Variants in ATF7 observed in about 807,000 individuals in gnomAD.
ATF7 encodes the protein activating transcription factor 7.
A neutral mutation model predicts 50.4 loss-of-function variants in ATF7; 10 were observed. The ratio of observed to expected loss-of-function variants is 0.20; its 90% confidence interval spans 0.12 to 0.34. ATF7 has a LOEUF of 0.34. ATF7 is among the 10% of genes least tolerant of loss of function. ATF7 has a pLI of 1.00. For missense variants in ATF7, 465 were observed against 613.9 expected (o/e 0.76, Z 2.56); for synonymous variants, 201 against 226.4 (o/e 0.89, Z 1.01).
At chr12:53,625,074 C>T (rs932902763) in intron 1 of ATF7, among the ~76,000 whole-genome samples, 2 of 152,256 alleles carry the variant, frequency 1.3e-5, no homozygotes, top group South Asian at 4.1e-4. Flanking sequence ...TACTAAAACA[C>T]CCTCTGTTAA....
At chr12:53,594,887 CAA>C (rs561674660) in intron 2 of ATF7, among the ~76,000 whole-genome samples, 7 of 97,792 alleles carry the variant, frequency 7.2e-5, no homozygotes, top group Non-Finnish European at 4.4e-5. Context: ...GACCCCATCT[CAA>C]AAAAAAAAAA....
intron 1 of ATF7, among the ~76,000 whole-genome samples, chr12:53,613,326 A>C (rs1240983568): frequency 6.6e-6 from 1 of 152,258 alleles, no homozygotes; most frequent in Admixed American, 6.5e-5. Context: ...GGTTAGCCAG[A>C]CATTAAAGAG....
chr12:53,569,484 C>A (rs1358179842), intron 2 of ATF7, among the ~76,000 whole-genome samples: 1 of 152,214 alleles, frequency 6.6e-6, no homozygotes, highest in African/African-American at 2.4e-5. Flanking sequence ...CTCCAGGAAG[C>A]CTTCTCTGAT....
intron 2 of ATF7, among the ~76,000 whole-genome samples, chr12:53,559,459 A>C (rs1330352998): frequency 6.6e-6 from 1 of 151,878 alleles, no homozygotes; most frequent in Non-Finnish European, 1.5e-5. Flanking sequence ...TGGGCAGATC[A>C]CTTGAGGTCA....
At chr12:53,623,382 G>A (rs928674515) in intron 1 of ATF7, among the ~76,000 whole-genome samples, 16 of 152,268 alleles carry the variant, frequency 1.1e-4, no homozygotes, top group African/African-American at 1.7e-4. Context: ...TTTTTAAAGA[G>A]ACAGAAGACT....
intron 1 of ATF7, among the ~76,000 whole-genome samples, chr12:53,619,714 A>G (rs1944299136): frequency 6.6e-6 from 1 of 151,092 alleles, no homozygotes; most frequent in African/African-American, 2.4e-5. Flanking sequence ...CAGGAGGCGG[A>G]GGCAGGATAA....
In ATF7 at chr12:53,514,234, G is replaced by A. The variant is rs1944220636; in HGVS notation, c.*2903C>T. On this transcript the variant is annotated 3_prime_UTR_variant, in exon 12 of 12. Coordinates refer to ENST00000420353, the MANE Select transcript of ATF7 (RefSeq NM_006856.3). The stretch of plus-strand genomic sequence containing the variant: ...TGGGTACGTGGCAGCTAGCTAGAGT[G>A]CTTGTGTATCGAGCACTCACATTGG... 1 of 152,174 alleles carries A rather than the reference G, an allele frequency of 6.6e-6. No individual in the cohort carries two copies. The highest frequency in any genetic ancestry group is 6.5e-5 in the Admixed American group (1 of 15,274). The allele number at this position is 152,174 out of a possible 1,614,324, so 9.4% of individuals were successfully genotyped here. A position where few individuals can be genotyped will look rare whatever the true frequency, so the allele number is the denominator to read the frequency against.
At chr12:53,584,525 C>T (rs1011949156) in intron 2 of ATF7, among the ~76,000 whole-genome samples, 7 of 152,190 alleles carry the variant, frequency 4.6e-5, no homozygotes, top group African/African-American at 1.4e-4. Flanking sequence ...AGTGATCACA[C>T]TCATTGATAT....
intron 1 of ATF7, among the ~76,000 whole-genome samples, chr12:53,608,465 C>A (rs1472813678): frequency 6.6e-6 from 1 of 152,080 alleles, no homozygotes; most frequent in Non-Finnish European, 1.5e-5. Flanking sequence ...GTAAAACAGG[C>A]AATTCAAAAT....
At chr12:53,594,422 AGGATGCTTTTAAT>A (rs1219287314) in intron 2 of ATF7, among the ~76,000 whole-genome samples, 2 of 152,208 alleles carry the variant, frequency 1.3e-5, no homozygotes, top group Non-Finnish European at 2.9e-5. Context: ...GACTGGAGCA[AGGATGCTTTTAAT>A]CTACTGTGCT....
chr12:53,600,901 G>C, intron 2 of ATF7, 52 bp downstream of exon 2: 1 of 1,573,540 alleles, frequency 6.4e-7, no homozygotes, highest in Non-Finnish European at 8.7e-7. Context: ...TGATAAAACA[G>C]CCACTTTGAT....
At chr12:53,611,494 G>A (rs1294020077) in intron 1 of ATF7, among the ~76,000 whole-genome samples, 1 of 152,128 alleles carries the variant, frequency 6.6e-6, no homozygotes, top group Non-Finnish European at 1.5e-5. Flanking sequence ...TCCAGTAATA[G>A]TATATATGAT....
intron 8 of ATF7, 32 bp from the exon 9 acceptor site, chr12:53,531,928 A>C: frequency 6.2e-7 from 1 of 1,610,418 alleles, no homozygotes; most frequent in East Asian, 2.2e-5. Context: ...AATGCTTGTT[A>C]AGGATCAGAT....
chr12:53,533,397 C>A (rs1939022960), intron 6 of ATF7, 138 bp from the exon 7 acceptor site: 1 of 650,162 alleles, frequency 1.5e-6, no homozygotes, highest in East Asian at 2.9e-5. Context: ...TTGACACCCT[C>A]ATGAAGGTGA....
chr12:53,606,960 C>T (rs1323588528), intron 1 of ATF7, among the ~76,000 whole-genome samples: 5 of 151,968 alleles, frequency 3.3e-5, no homozygotes, highest in African/African-American at 1.2e-4. Flanking sequence ...TCCAGTCTAT[C>T]GTTGATGGAC....
rs1284438600 is a variant in ATF7 at position 53,626,316 on chromosome 12, C to G, written c.-59G>C. 6.5e-6 allele frequency: 1 copy of G among 152,940 alleles called. No individual in the cohort carries two copies. Among genetic ancestry groups the G allele is most frequent in the Non-Finnish European group, 1.5e-5 (1 of 68,274 alleles). 9.5% of individuals were successfully genotyped at this position (152,940 alleles called of 1,614,324 possible). A position where few individuals can be genotyped will look rare whatever the true frequency, so the allele number is the denominator to read the frequency against. On this transcript the variant is annotated 5_prime_UTR_variant, in exon 1 of 12. Transcript: ENST00000420353. The stretch of plus-strand genomic sequence containing the variant: ...CCGTTGCCTCCCGCCTGCCCGCGCT[C>G]GGTCCTACAATCTGTCTCCAGCTCC...
intron 9 of ATF7, among the ~76,000 whole-genome samples, chr12:53,527,833 T>C (rs1165978054): frequency 6.6e-6 from 1 of 151,856 alleles, no homozygotes; most frequent in Non-Finnish European, 1.5e-5. Context: ...TCCATTAATA[T>C]AGATAATTAA....
chr12:53,558,930 T>C (rs1468950142), intron 2 of ATF7, among the ~76,000 whole-genome samples: 2 of 152,176 alleles, frequency 1.3e-5, no homozygotes, highest in African/African-American at 2.4e-5. Context: ...CCTTCTGTAA[T>C]AGGAGAATCT....
chr12:53,538,901 T>C (rs1027573403), intron 4 of ATF7, among the ~76,000 whole-genome samples: 6 of 152,206 alleles, frequency 3.9e-5, no homozygotes, highest in African/African-American at 7.2e-5. Context: ...TTTTTCTACA[T>C]AGCTAAGATG....
Sources: allele counts gnomAD v4.1 joint callset (sites outside exome capture counted in the v4.1 genomes callset), GRCh38; gene constraint gnomAD v4.1.1; transcripts MANE v1.5; gene names NCBI Gene and HGNC (gene_info 2026-07-23, HGNC 2026-07-21).